TAFA1: variants seen among roughly 807,000 people sequenced by gnomAD.
The protein encoded by TAFA1 is TAFA chemokine like family member 1.
In TAFA1, 4 loss-of-function variants were observed where a neutral mutation model predicts 18.5. The ratio of observed to expected loss-of-function variants is 0.22; its 90% CI spans 0.11 to 0.49. TAFA1 has a LOEUF of 0.49. Ranked by LOEUF, TAFA1 falls within the 20% of genes least tolerant of loss-of-function variation. The pLI, the probability that TAFA1 is intolerant of heterozygous loss-of-function variation, is 0.98. For missense variants in TAFA1, 147 were observed against 169.0 expected, an observed-to-expected ratio of 0.87 and a Z score of 0.72; for synonymous variants, 56 against 55.2, an observed-to-expected ratio of 1.01 and a Z score of -0.06.
At chr3:68,363,577 A>G (rs1299838057) in intron 2 of TAFA1, among the ~76,000 whole-genome samples, 1 of 152,170 alleles carries the variant, frequency 6.6e-6, no homozygotes, top group East Asian at 1.9e-4. Flanking sequence ...ATCCAGAGAA[A>G]GCCCAAGGCA....
intron 2 of TAFA1, among the ~76,000 whole-genome samples, chr3:68,159,410 A>G (rs1475773764): frequency 6.6e-6 from 1 of 152,242 alleles, no homozygotes; most frequent in Non-Finnish European, 1.5e-5. Flanking sequence ...GAGGCAAAAC[A>G]TGCCAGAACG....
At chr3:68,086,017 C>A (rs574302684) in intron 2 of TAFA1, among the ~76,000 whole-genome samples, 1 of 152,184 alleles carries the variant, frequency 6.6e-6, no homozygotes. Context: ...GATGAGCCCA[C>A]GATTCTCCCC....
intron 2 of TAFA1, among the ~76,000 whole-genome samples, chr3:68,178,646 G>C (rs2106978276): frequency 6.6e-6 from 1 of 152,352 alleles, no homozygotes; most frequent in Middle Eastern, 3.4e-3. Context: ...ATGCCCTGGG[G>C]CGGAAATACC....
At chr3:68,211,179 G>A (rs905501697) in intron 2 of TAFA1, among the ~76,000 whole-genome samples, 3 of 151,934 alleles carry the variant, frequency 2.0e-5, no homozygotes, top group African/African-American at 4.8e-5. Flanking sequence ...ATATCTTATC[G>A]GCTATGCAGG....
At chr3:68,168,784 A>G (rs1469852196) in intron 2 of TAFA1, among the ~76,000 whole-genome samples, 1 of 152,304 alleles carries the variant, frequency 6.6e-6, no homozygotes, top group South Asian at 2.1e-4. Flanking sequence ...TATTGGGACA[A>G]AAAAATAGAC....
chr3:68,033,550 C>A (rs576118503), intron 2 of TAFA1, among the ~76,000 whole-genome samples: 9 of 152,244 alleles, frequency 5.9e-5, no homozygotes, highest in African/African-American at 2.2e-4. Flanking sequence ...AATTTCAATG[C>A]CTCCTCTGAG....
chr3:68,020,586 C>A (rs1185668379), intron 2 of TAFA1, among the ~76,000 whole-genome samples: 1 of 152,020 alleles, frequency 6.6e-6, no homozygotes, highest in South Asian at 2.1e-4. Context: ...AAGGATGGAA[C>A]AGATAAACTG....
At chr3:68,219,125 G>C (rs1190546753) in intron 2 of TAFA1, among the ~76,000 whole-genome samples, 1 of 151,620 alleles carries the variant, frequency 6.6e-6, no homozygotes, top group Non-Finnish European at 1.5e-5. Flanking sequence ...TTACTAAGAG[G>C]ATTTCTTTTT....
intron 3 of TAFA1, among the ~76,000 whole-genome samples, chr3:68,519,753 G>A (rs2072988530): frequency 1.3e-5 from 2 of 152,078 alleles, no homozygotes; most frequent in South Asian, 4.2e-4. Flanking sequence ...AGGTTTCTGG[G>A]GGACCCTTTT....
intron 2 of TAFA1, among the ~76,000 whole-genome samples, chr3:68,197,935 G>A (rs1205148859): frequency 2.0e-5 from 3 of 151,726 alleles, no homozygotes; most frequent in Non-Finnish European, 4.4e-5. Context: ...CTGCTAGAAT[G>A]TAAGTTCTGT....
intron 3 of TAFA1, among the ~76,000 whole-genome samples, chr3:68,469,395 C>T (rs1319774555): frequency 1.3e-5 from 2 of 152,066 alleles, no homozygotes; most frequent in South Asian, 2.1e-4. Flanking sequence ...TCAGAGAGGG[C>T]CGGGCGCAGT....
chr3:68,128,587 G>T (rs544462300), intron 2 of TAFA1, among the ~76,000 whole-genome samples: 3 of 152,226 alleles, frequency 2.0e-5, no homozygotes, highest in South Asian at 2.1e-4. Flanking sequence ...ACCAAAACAT[G>T]CAGAACTGTT....
intron 2 of TAFA1, among the ~76,000 whole-genome samples, chr3:68,360,298 T>C (rs151095251): frequency 6.6e-6 from 1 of 152,128 alleles, no homozygotes; most frequent in African/African-American, 2.4e-5. Flanking sequence ...GCAAGACTTT[T>C]ATGATTAACA....
chr3:68,171,767 C>G (rs1239695289), intron 2 of TAFA1, among the ~76,000 whole-genome samples: 1 of 151,752 alleles, frequency 6.6e-6, no homozygotes, highest in East Asian at 1.9e-4. Context: ...GAGCCAAATA[C>G]AGATTCTAGA....
At chr3:68,192,454 C>A in intron 2 of TAFA1, 2 of 201,476 alleles carry the variant, frequency 9.9e-6, no homozygotes, top group East Asian at 1.3e-4. Context: ...ATGGGAATAC[C>A]GCAAGTTGCT....
chr3:68,160,894 T>G (rs2065917656), intron 2 of TAFA1, among the ~76,000 whole-genome samples: 1 of 152,170 alleles, frequency 6.6e-6, no homozygotes, highest in Non-Finnish European at 1.5e-5. Flanking sequence ...TTTCTGACCA[T>G]ACACTCAATG....
chr3:68,023,443 A>T (rs1704741696), intron 2 of TAFA1, among the ~76,000 whole-genome samples: 1 of 152,104 alleles, frequency 6.6e-6, no homozygotes, highest in East Asian at 1.9e-4. Context: ...CACTGGCCAG[A>T]CCTTGGCGTA....
chr3:68,371,595 A>G (rs1278663311), intron 2 of TAFA1, among the ~76,000 whole-genome samples: 2 of 152,094 alleles, frequency 1.3e-5, no homozygotes, highest in African/African-American at 4.8e-5. Flanking sequence ...CATGATGTAT[A>G]TGTGCCACAT....
intron 2 of TAFA1, among the ~76,000 whole-genome samples, chr3:68,189,514 A>G (rs1011730333): frequency 6.6e-6 from 1 of 151,780 alleles, no homozygotes; most frequent in Admixed American, 6.6e-5. Flanking sequence ...TCTGCCCATC[A>G]TCTTGATTTC....
Sources: allele counts gnomAD v4.1 joint callset (sites outside exome capture counted in the v4.1 genomes callset), GRCh38; gene constraint gnomAD v4.1.1; transcripts MANE v1.5; gene names NCBI Gene and HGNC (gene_info 2026-07-23, HGNC 2026-07-21).